The following ZNFX1 variants were observed in gnomAD, a reference collection of about 807,000 sequenced individuals.
ZNFX1 encodes the protein zinc finger NFX1-type containing 1.
In ZNFX1, 78 loss-of-function variants were observed where a neutral mutation model predicts 179.8. That is an observed-to-expected ratio of 0.43 (90% CI 0.36 to 0.52). The LOEUF (loss-of-function observed/expected upper bound fraction) is 0.52. ZNFX1 is among the 20% of genes least tolerant of loss of function. The pLI, the probability that ZNFX1 is intolerant of heterozygous loss-of-function variation, is 0.00. For synonymous variants in ZNFX1, 848 were observed against 868.5 expected (o/e 0.98, Z 0.42); for missense variants, 1,927 against 2,386.6 (o/e 0.81, Z 4.01).
chr20:49,263,559 G>C (rs1981166264), intron 5 of ZNFX1, 76 bp from the exon 6 acceptor site: 1 of 1,504,224 alleles, frequency 6.6e-7, no homozygotes, highest in Non-Finnish European at 9.0e-7. Context: ...TTGAGGGAAA[G>C]CAAAGCTAAG....
chr20:49,247,476 G>A lies in ZNFX1; in HGVS notation c.5548C>T (p.Arg1850Cys), dbSNP rs755911230. 23 of 1,614,004 alleles carry A rather than the reference G, an allele frequency of 1.4e-5. No individual in the cohort carries two copies. The highest frequency in any genetic ancestry group is 1.1e-4 in the East Asian group (5 of 44,888). Residue 1850 changes from arginine to cysteine, a missense_variant, in exon 14 of 14, where the codon CGC becomes TGC. By Grantham distance (180) the Arg-to-Cys change is radical (BLOSUM62 -3). Coordinates refer to ENST00000396105, the MANE Select transcript of ZNFX1 (RefSeq NM_021035.3). ...CCAATCACATAGATATGGCCATTGC[G>A]GCACTTGAACCAGTGACCACGAGGA... ...GYPRGHWFKCRNGHIYVIGDC... is the reference protein window; with the variant it reads ...GYPRGHWFKCCNGHIYVIGDC...
intron 3 of ZNFX1, 105 bp downstream of exon 3, chr20:49,269,832 GAAAAT>G (rs752114105): frequency 8.6e-5 from 117 of 1,357,932 alleles, no homozygotes; most frequent in Non-Finnish European, 1.1e-4. Context: ...ATAAAAGTTG[GAAAAT>G]AAAATAAGTA....
Position 49,248,616 on chromosome 20 carries a change from T to G in ZNFX1, c.4408A>C (p.Ile1470Leu). 1.9e-6 allele frequency: 3 copies of G among 1,614,112 alleles called. No individual in the cohort carries two copies. The highest frequency in any genetic ancestry group is 2.5e-6 in the Non-Finnish European group (3 of 1,180,044). ...GGTTCCTGGCACTTGTGTGAGCAGA[T>G]AAGCAGGCGCTTGCAGGGCTGCTGA... ...RCQQPCKRLLICSHKCQEPCI... is the reference protein window; with the variant it reads ...RCQQPCKRLLLCSHKCQEPCI... The change falls in exon 14 of 14, where the codon ATC becomes CTC. Residue 1470 changes from isoleucine (I) to leucine (L), a missense_variant. Physicochemically the swap from Ile to Leu is conservative, Grantham distance 5. Transcript: ENST00000396105. This position sits in a 1 kb window ranked among gnomAD's most constrained non-coding sequence, Gnocchi z 4.6.
chr20:49,257,991 C>T (rs1359506500), intron 7 of ZNFX1, among the ~76,000 whole-genome samples: 3 of 151,194 alleles, frequency 2.0e-5, no homozygotes, highest in South Asian at 2.1e-4. Flanking sequence ...GGATTACAGG[C>T]GTGAGCCACC....
At chr20:49,271,866 C>A (rs1346438648) in intron 2 of ZNFX1, 116 bp from the exon 3 acceptor site, 4 of 1,247,854 alleles carry the variant, frequency 3.2e-6, no homozygotes, top group Admixed American at 2.9e-5. Flanking sequence ...AGGTTTTATA[C>A]GGTAAGAAAA....
chr20:49,274,397 G>A (rs1283686533), intron 2 of ZNFX1, among the ~76,000 whole-genome samples: 2 of 152,110 alleles, frequency 1.3e-5, no homozygotes, highest in Non-Finnish European at 2.9e-5. Flanking sequence ...TAACATTTTG[G>A]TTATACTGGG....
At position 49,275,893 on chromosome 20, in the gene ZNFX1, C is replaced by T; in HGVS notation, c.-48-6G>A. On this transcript the variant is annotated splice_region_variant and splice_polypyrimidine_tract_variant and intron_variant, in intron 1 of 13. Coordinates refer to ENST00000396105, the MANE Select transcript of ZNFX1 (RefSeq NM_021035.3). The stretch of plus-strand genomic sequence containing the variant: ...ACTTTCTGTTATCTGGAAAACTGCA[C>T]ATGTTGAGTTATCAGTGTCCTCGAA... 6.3e-7 allele frequency: 1 copy of T among 1,592,550 alleles called. No individual in the cohort carries two copies. Among genetic ancestry groups the T allele is most frequent in the Non-Finnish European group, 8.6e-7 (1 of 1,160,710 alleles).
chr20:49,271,566 C>G lies in ZNFX1; in HGVS notation c.246G>C (p.Arg82Ser). Residue 82 changes from arginine (R) to serine (S), a missense_variant, in exon 3 of 14, where the codon AGG becomes AGC. Coordinates refer to ENST00000396105, the MANE Select transcript of ZNFX1 (RefSeq NM_021035.3). ...CGTCGCTGGCATGCCCCTCCTGGTT[C>G]CTCCTTCCTTGATGTGGGTTCCTGC... ...AMGRNPHQGR[R>S]NQEGHASDEA... 1 of 1,614,178 alleles carries G rather than the reference C, an allele frequency of 6.2e-7. No homozygotes were observed. Among genetic ancestry groups the G allele is most frequent in the South Asian group, 1.1e-5 (1 of 91,090 alleles).
In ZNFX1 at chr20:49,249,576, G is replaced by A; in HGVS notation, c.3448C>T (p.Leu1150=). The A allele has an allele frequency of 6.2e-7, 1 of 1,614,230 alleles. No individual in the cohort carries two copies. The highest frequency in any genetic ancestry group is 8.5e-7 in the Non-Finnish European group (1 of 1,180,050). ...LCKYFLCQEY[L]PSQITILTTY... Reference sequence around the variant, plus strand: ...GTGAGGATGGTGATCTGGGAAGGCAGGTATTCCTGGCACAGGAAGTACTTG... The same window carrying A: ...GTGAGGATGGTGATCTGGGAAGGCAAGTATTCCTGGCACAGGAAGTACTTG... Residue 1150 remains leucine, a synonymous_variant, in exon 14 of 14, where the codon CTG becomes TTG. Coordinates refer to ENST00000396105, the MANE Select transcript of ZNFX1 (RefSeq NM_021035.3).
rs752270443 is a variant in ZNFX1 at position 49,260,451 on chromosome 20, T to G, written c.2416+12A>C. 6.3e-7 allele frequency: 1 copy of G among 1,583,106 alleles called. No individual in the cohort carries two copies. The highest frequency in any genetic ancestry group is 8.7e-7 in the Non-Finnish European group (1 of 1,154,404). ...GTTAAGATTTGATTCTAGGAAGACA[T>G]GCACTTCTTACCTGTATTCTCAGGT... is the stretch of plus-strand genomic sequence containing the variant. On this transcript the variant is annotated intron_variant, in intron 7 of 13. Transcript: ENST00000396105.
In ZNFX1 at chr20:49,246,695, A is replaced by G; in HGVS notation, c.*572T>C. On this transcript the variant is annotated 3_prime_UTR_variant, in exon 14 of 14. Coordinates refer to ENST00000396105, the MANE Select transcript of ZNFX1 (RefSeq NM_021035.3). ...CTAGGTGGCCCTAGGTGGAAGCCCC[A>G]AACATGTTCCAGGGAGTCTGTCCAC... The G allele has an allele frequency of 2.7e-6, 1 of 370,320 alleles. No homozygotes were observed. The highest frequency in any genetic ancestry group is 2.1e-5 in the South Asian group (1 of 48,756). 22.9% of individuals were successfully genotyped at this position (370,320 alleles called of 1,614,324 possible).
intron 2 of ZNFX1, among the ~76,000 whole-genome samples, chr20:49,272,468 G>T (rs1281874102): frequency 6.6e-6 from 1 of 152,186 alleles, no homozygotes; most frequent in Non-Finnish European, 1.5e-5. Flanking sequence ...ACAGGCGTAA[G>T]CCACCGTGCC....
chr20:49,266,080 T>C, intron 4 of ZNFX1, 55 bp downstream of exon 4: 3 of 1,584,034 alleles, frequency 1.9e-6, no homozygotes, highest in Non-Finnish European at 2.6e-6. Context: ...CTGAAGTTGC[T>C]GATGGTTCAA....
At chr20:49,271,940 ATAT>A (rs1981417684) in intron 2 of ZNFX1, among the ~76,000 whole-genome samples, 190 bp from the exon 3 acceptor site, 1 of 152,162 alleles carries the variant, frequency 6.6e-6, no homozygotes, top group Non-Finnish European at 1.5e-5. Context: ...GGTTAGGAAA[ATAT>A]TATTTTTACA....
intron 1 of ZNFX1, 84 bp from the exon 2 acceptor site, chr20:49,275,971 TTTG>T: frequency 3.8e-6 from 3 of 786,540 alleles, no homozygotes; most frequent in East Asian, 2.6e-5. Context: ...TCCTTCTGCC[TTTG>T]TTAACATTTT....
At chr20:49,258,533 C>T (rs534742897) in intron 7 of ZNFX1, among the ~76,000 whole-genome samples, 2 of 152,240 alleles carry the variant, frequency 1.3e-5, no homozygotes, top group South Asian at 2.1e-4. Flanking sequence ...TTTGGCTGTG[C>T]GTGGGGCTTA....
chr20:49,252,867 T>TA (rs1460817004), intron 11 of ZNFX1, 37 bp from the exon 12 acceptor site: 1 of 1,505,166 alleles, frequency 6.6e-7, no homozygotes, highest in Non-Finnish European at 9.2e-7. Flanking sequence ...TCTCTACTGA[T>TA]AAAGTCATTT....
At chr20:49,254,022 CT>C (rs1980907372) in intron 10 of ZNFX1, among the ~76,000 whole-genome samples, 2 of 69,482 alleles carry the variant, frequency 2.9e-5, no homozygotes, top group Admixed American at 1.2e-4. Context: ...GAGTGAATTT[CT>C]TTTTTCTTTT....
rs755359725 is a variant in ZNFX1, at chr20:49,246,858, G to C, written c.*409C>G. ...AAGTGGATCCTTAAGTAGGTGCTAA[G>C]ACTAAAAAGAATGATTTTTTTTTTT... On this transcript the variant is annotated 3_prime_UTR_variant, in exon 14 of 14. Transcript: ENST00000396105. 40 of 435,142 alleles carry C rather than the reference G, an allele frequency of 9.2e-5. No homozygotes were observed. Among genetic ancestry groups the C allele is most frequent in the Non-Finnish European group, 1.5e-4 (32 of 220,102 alleles). The allele number at this position is 435,142 out of a possible 1,614,324, so 27.0% of individuals were successfully genotyped here.
Sources: gnomAD v4.1 joint callset for allele counts (sites outside exome capture counted in the v4.1 genomes callset) on GRCh38, gnomAD v4.1.1 for gene constraint, Gnocchi (gnomAD v3.1) non-coding constraint, MANE v1.5 for transcripts, NCBI Gene and HGNC (gene_info 2026-07-23, HGNC 2026-07-21) for gene names.